HCK: variants seen among roughly 807,000 people sequenced by gnomAD.
The protein encoded by HCK is tyrosine-protein kinase HCK.
HCK carries 40 observed loss-of-function variants against 70.4 expected under a neutral mutation model. That is an observed-to-expected ratio of 0.57 (90% CI 0.44 to 0.74). The LOEUF is 0.74. HCK is among the 30% of genes least tolerant of loss of function. HCK has a pLI of 0.00. For synonymous variants in HCK, 245 were observed against 263.2 expected, an observed-to-expected ratio of 0.93 and a Z score of 0.67; for missense variants, 568 against 697.2, an observed-to-expected ratio of 0.81 and a Z score of 2.09.
At chr20:32,087,967 G>T (rs1322010090) in intron 9 of HCK, among the ~76,000 whole-genome samples, 1 of 152,226 alleles carries the variant, frequency 6.6e-6, no homozygotes, top group Non-Finnish European at 1.5e-5. Context: ...TAGAGACAAG[G>T]TCTCGCCATC....
At chr20:32,062,217 G>A in intron 1 of HCK, among the ~76,000 whole-genome samples, 1 of 152,166 alleles carries the variant, frequency 6.6e-6, no homozygotes, top group Non-Finnish European at 1.5e-5. Flanking sequence ...TGGGATTACA[G>A]GTGTGAGCCA....
At chr20:32,065,911 C>G (rs2045449037) in intron 1 of HCK, among the ~76,000 whole-genome samples, 1 of 152,190 alleles carries the variant, frequency 6.6e-6, no homozygotes, top group Non-Finnish European at 1.5e-5. Flanking sequence ...AAGAGGTTCT[C>G]TAGCCTTCTT....
chr20:32,086,500 C>T, intron 8 of HCK, 128 bp from the exon 9 acceptor site: 1 of 757,088 alleles, frequency 1.3e-6, no homozygotes, highest in Non-Finnish European at 2.1e-6. Context: ...GATTTCGCTT[C>T]CCTCTCTGAG....
In HCK at chr20:32,099,446, C is replaced by T. The variant is rs978268554; in HGVS notation, c.1378+311C>T. Among the ~76,000 whole-genome samples the T allele has an allele frequency of 2.0e-5, 3 of 151,244 alleles. No individual in the cohort carries two copies. The South Asian group carries it at 6.3e-4, about 32-fold the overall frequency. On this transcript the variant is annotated intron_variant, in intron 12 of 12. Transcript: ENST00000375852. ...GATCTCGGCTCACTGCAACCTCCGC[C>T]TCCCAGGTTCAAGCGATTCTCCTGC...
chr20:32,094,776 AG>A (rs2045921460), intron 11 of HCK, among the ~76,000 whole-genome samples: 6 of 114,692 alleles, frequency 5.2e-5, no homozygotes, highest in African/African-American at 2.1e-4. Flanking sequence ...AAAGAAAGAA[AG>A]AGAGAGAAAG....
At chr20:32,076,279 TATC>T (rs2045624775) in intron 5 of HCK, among the ~76,000 whole-genome samples, 1 of 152,042 alleles carries the variant, frequency 6.6e-6, no homozygotes, top group Non-Finnish European at 1.5e-5. Context: ...TGAGCTGAAA[TATC>T]ATGCCACTGC....
intron 6 of HCK, 87 bp from the exon 7 acceptor site, chr20:32,083,800 TGCCAGCG>T (rs1321848270): frequency 1.1e-5 from 16 of 1,456,684 alleles, no homozygotes; most frequent in Non-Finnish European, 1.5e-5. Flanking sequence ...GTCAGGACGG[TGCCAGCG>T]GTAGCCTTAC....
At chr20:32,086,859 G>A (rs923456360) in intron 9 of HCK, 52 bp downstream of exon 9, 2 of 1,475,744 alleles carry the variant, frequency 1.4e-6, no homozygotes, top group Non-Finnish European at 9.0e-7. Flanking sequence ...CTGGTCAATT[G>A]CGGGCCCAAG....
At chr20:32,068,398 T>TA (rs527655431) in intron 1 of HCK, among the ~76,000 whole-genome samples, 22 of 150,250 alleles carry the variant, frequency 1.5e-4, no homozygotes, top group East Asian at 5.8e-4. Flanking sequence ...AATTTTTTTT[T>TA]AAAAAAGGAA....
At chr20:32,079,656 G>A (rs2045679341) in intron 5 of HCK, 118 bp from the exon 6 acceptor site, 6 of 656,892 alleles carry the variant, frequency 9.1e-6, no homozygotes, top group Non-Finnish European at 1.4e-5. Context: ...GCTGCAGGAA[G>A]CCAGACCCTC....
intron 5 of HCK, among the ~76,000 whole-genome samples, chr20:32,078,647 A>G (rs1433757393): frequency 6.6e-6 from 1 of 151,978 alleles, no homozygotes; most frequent in Non-Finnish European, 1.5e-5. Flanking sequence ...ACCTGAGTTC[A>G]GGAGTTCGAG....
intron 1 of HCK, chr20:32,054,334 A>C (rs2045231601): frequency 2.2e-6 from 1 of 455,766 alleles, no homozygotes; most frequent in Non-Finnish European, 4.4e-6. Flanking sequence ...AATGCTATCT[A>C]TGCAGTGGTT....
chr20:32,083,903 CTT>C lies in HCK; in HGVS notation c.544_545del (p.Leu182ValfsTer133). On this transcript the variant is annotated frameshift_variant, in exon 7 of 13. Transcript: ENST00000375852. LOFTEE classifies it high-confidence loss of function. ...TCTTTGGTCAATTCAGGAAGCTACTCTTTGTCCGTGCGAGACTACGACCCTCG... is the reference window on the plus strand; with the variant it reads ...TCTTTGGTCAATTCAGGAAGCTACTCTGTCCGTGCGAGACTACGACCCTCG... 1 of 1,614,206 alleles carries C rather than the reference CTT, an allele frequency of 6.2e-7. No individual in the cohort carries two copies. Among genetic ancestry groups the C allele is most frequent in the Non-Finnish European group, 8.5e-7 (1 of 1,180,036 alleles).
chr20:32,052,504 G>T lies in HCK; in HGVS notation c.62+18G>T. 7.9e-7 allele frequency: 1 copy of T among 1,263,312 alleles called. No individual in the cohort carries two copies. The highest frequency in any genetic ancestry group is 1.0e-6 in the Non-Finnish European group (1 of 996,058). The allele number at this position is 1,263,312 out of a possible 1,614,324, so 78.3% of individuals were successfully genotyped here. A position where few individuals can be genotyped will look rare whatever the true frequency, so the allele number is the denominator to read the frequency against. ...GCGCCCAGGTGAGTGCCGCGCACAGGGGACCGGGAATACCCGGCCCGCGAG... is the reference window on the plus strand; with the variant it reads ...GCGCCCAGGTGAGTGCCGCGCACAGTGGACCGGGAATACCCGGCCCGCGAG... On this transcript the variant is annotated intron_variant, in intron 1 of 12. Transcript: ENST00000375852.
At chr20:32,080,197 T>C (rs961193360) in intron 6 of HCK, among the ~76,000 whole-genome samples, 2 of 152,156 alleles carry the variant, frequency 1.3e-5, no homozygotes, top group African/African-American at 4.8e-5. Flanking sequence ...TTGGTTCTTG[T>C]TTTGTTTTGT....
chr20:32,073,406 A>G, intron 3 of HCK, 45 bp downstream of exon 3: 2 of 1,521,362 alleles, frequency 1.3e-6, no homozygotes, highest in Non-Finnish European at 1.8e-6. Context: ...TGTCCTGCAG[A>G]GGACTCCGCT....
At chr20:32,094,834 A>AAAGC (rs2045931815) in intron 11 of HCK, among the ~76,000 whole-genome samples, 1 of 129,918 alleles carries the variant, frequency 7.7e-6, no homozygotes, top group African/African-American at 2.8e-5. Flanking sequence ...AGAAAGAAAG[A>AAAGC]AAGAAAGAAA....
At chr20:32,069,043 G>C (rs2045501008) in intron 1 of HCK, among the ~76,000 whole-genome samples, 1 of 152,224 alleles carries the variant, frequency 6.6e-6, no homozygotes, top group South Asian at 2.1e-4. Flanking sequence ...CTCTAGGCTT[G>C]TGGGCCAGAG....
chr20:32,052,805 T>TGGGG lies in HCK; in HGVS notation c.62+319_62+320insGGGG, dbSNP rs776706589. ...CTTGGGGGGGGGCGGGGATTTTTTT[T>TGGGG]TTAATTTAAAAAAGAAAAAGAAGGA... On this transcript the variant is annotated intron_variant, in intron 1 of 12. Coordinates refer to ENST00000375852, the MANE Select transcript of HCK (RefSeq NM_002110.5). Among the ~76,000 whole-genome samples, 317 of 133,268 alleles carry TGGGG rather than the reference T, an allele frequency of 2.4e-3. 16 individuals are homozygous for TGGGG. Among genetic ancestry groups the TGGGG allele is most frequent in the Non-Finnish European group, 3.7e-3 (220 of 58,722 alleles). The allele number at this position is 133,268 out of a possible 152,430, so 87.4% of individuals were successfully genotyped here.
Sources: gnomAD v4.1 joint callset for allele counts (sites outside exome capture counted in the v4.1 genomes callset) on GRCh38, gnomAD v4.1.1 for gene constraint, MANE v1.5 for transcripts, NCBI Gene and HGNC (gene_info 2026-07-23, HGNC 2026-07-21) for gene names.